Variants in ENTPD1 observed in about 807,000 individuals in gnomAD.
ENTPD1 encodes the protein ectonucleoside triphosphate diphosphohydrolase 1.
A neutral mutation model predicts 57.0 loss-of-function variants in ENTPD1; 33 were observed. The observed-to-expected ratio is 0.58, with a 90% CI of 0.44 to 0.77. ENTPD1 has a LOEUF of 0.77. Among genes scored for constraint, ENTPD1 ranks in the 30% least tolerant of loss-of-function variants. ENTPD1 has a pLI of 0.00. For missense variants in ENTPD1, 501 were observed against 603.4 expected (o/e 0.83, Z 1.78); for synonymous variants, 202 against 218.8 (o/e 0.92, Z 0.68).
chr10:95,745,501 G>C (rs745663296), intron 1 of ENTPD1, among the ~76,000 whole-genome samples: 19 of 152,136 alleles, frequency 1.2e-4, no homozygotes, highest in Non-Finnish European at 2.2e-4. Context: ...TTTTGATGAA[G>C]TGACAGTCAC....
intron 3 of ENTPD1, 69 bp downstream of exon 3, chr10:95,839,877 T>C: frequency 2.7e-6 from 4 of 1,503,926 alleles, no homozygotes; most frequent in Non-Finnish European, 3.7e-6. Context: ...GTATGACCAG[T>C]AGAACACAAG....
chr10:95,710,697 G>A (rs1013345294), upstream of ENTPD1, among the ~76,000 whole-genome samples: 2 of 152,084 alleles, frequency 1.3e-5, no homozygotes, highest in African/African-American at 2.4e-5. Context: ...CAAGGGAAGA[G>A]GGGTTTCTAC....
At chr10:95,865,470 C>A (rs1366166921) in intron 9 of ENTPD1, among the ~76,000 whole-genome samples, 1 of 152,184 alleles carries the variant, frequency 6.6e-6, no homozygotes, top group African/African-American at 2.4e-5. Context: ...ATACCCAGAG[C>A]AGTGTGTCTC....
At chr10:95,821,451 G>C (rs963905004) in intron 1 of ENTPD1, among the ~76,000 whole-genome samples, 3 of 152,106 alleles carry the variant, frequency 2.0e-5, no homozygotes, top group African/African-American at 7.2e-5. Context: ...CCCTAGACTT[G>C]CCCCAGAAGA....
chr10:95,808,438 G>C (rs1456443886), intron 1 of ENTPD1, among the ~76,000 whole-genome samples: 1 of 152,202 alleles, frequency 6.6e-6, no homozygotes, highest in South Asian at 2.1e-4. Context: ...ATGCCTCGTA[G>C]AATGAGTTAG....
At chr10:95,822,450 CCAT>C (rs1287315541) in intron 1 of ENTPD1, among the ~76,000 whole-genome samples, 1 of 152,000 alleles carries the variant, frequency 6.6e-6, no homozygotes, top group Non-Finnish European at 1.5e-5. Context: ...GTGCCCACCA[CCAT>C]GCCTGGCTAA....
rs2098091052 is a variant in ENTPD1, at chr10:95,766,964, T to C, written c.16+10709T>C. 4.0e-5 allele frequency among the ~76,000 whole-genome samples: 6 copies of C among 151,836 alleles called. No homozygotes were observed. In the South Asian group the frequency reaches 1.2e-3, roughly 32 times the overall value. ...GCATAATCATAGCTCAATGTAACCT[T>C]GAACTCCTGGGCTCAGGTGATCCTC... On this transcript the variant is annotated intron_variant, in intron 1 of 9. Transcript: ENST00000371205.
In ENTPD1 at chr10:95,866,395, G is replaced by A. The variant is rs781015829; in HGVS notation, c.*12G>A. 1 of 1,613,972 alleles carries A rather than the reference G, an allele frequency of 6.2e-7. No homozygotes were observed. Among genetic ancestry groups the A allele is most frequent in the Non-Finnish European group, 8.5e-7 (1 of 1,179,978 alleles). ...AAGATATGGTATAGCAAAAGCAGCT[G>A]AAATATGCTGGCTGGAGTGAGGAAA... On this transcript the variant is annotated 3_prime_UTR_variant, in exon 10 of 10. Transcript: ENST00000371205.
At chr10:95,778,882 G>C (rs1250029557) in intron 1 of ENTPD1, among the ~76,000 whole-genome samples, 1 of 151,894 alleles carries the variant, frequency 6.6e-6, no homozygotes, top group Non-Finnish European at 1.5e-5. Context: ...AGTTCTATCA[G>C]GTTAATATTA....
intron 1 of ENTPD1, among the ~76,000 whole-genome samples, chr10:95,747,110 T>A (rs1271046308): frequency 6.6e-6 from 1 of 152,160 alleles, no homozygotes; most frequent in East Asian, 1.9e-4. Flanking sequence ...ACATGTAACA[T>A]TTTACCCCAA....
At chr10:95,755,344 T>C (rs1348087888), upstream of ENTPD1, 1 of 209,906 alleles carries the variant, frequency 4.8e-6, no homozygotes, top group Non-Finnish European at 9.7e-6. Flanking sequence ...CAAGTCGCCT[T>C]GGGACTTGAG....
At chr10:95,731,283 G>T (rs1399566105) in intron 1 of ENTPD1, among the ~76,000 whole-genome samples, 1 of 152,096 alleles carries the variant, frequency 6.6e-6, no homozygotes, top group Non-Finnish European at 1.5e-5. Flanking sequence ...CTTCTGGTTA[G>T]GTTCAGCAGG....
At chr10:95,734,811 G>A (rs1232124209) in intron 1 of ENTPD1, among the ~76,000 whole-genome samples, 1 of 152,214 alleles carries the variant, frequency 6.6e-6, no homozygotes, top group Non-Finnish European at 1.5e-5. Context: ...TTTGGTGTCA[G>A]TGTCAAGGCA....
At chr10:95,800,541 G>T (rs751212412) in intron 1 of ENTPD1, among the ~76,000 whole-genome samples, 1 of 152,122 alleles carries the variant, frequency 6.6e-6, no homozygotes, top group Non-Finnish European at 1.5e-5. Context: ...AAGCCTGAGG[G>T]TACTGCAGGA....
upstream of ENTPD1, among the ~76,000 whole-genome samples, chr10:95,709,201 AT>A (rs1314254258): frequency 6.6e-6 from 1 of 152,192 alleles, no homozygotes; most frequent in Non-Finnish European, 1.5e-5. Context: ...GAATAATGGC[AT>A]TGATACAACC....
intron 1 of ENTPD1, among the ~76,000 whole-genome samples, chr10:95,730,488 A>G (rs756505206): frequency 6.6e-6 from 1 of 152,226 alleles, no homozygotes; most frequent in Non-Finnish European, 1.5e-5. Flanking sequence ...ATGTTAAAGC[A>G]TATAAGGACA....
intron 1 of ENTPD1, among the ~76,000 whole-genome samples, chr10:95,803,886 G>A (rs1185722871): frequency 1.3e-5 from 2 of 152,186 alleles, no homozygotes; most frequent in Non-Finnish European, 2.9e-5. Flanking sequence ...TGTATAAGGT[G>A]TAAGGAAGGG....
intron 1 of ENTPD1, among the ~76,000 whole-genome samples, chr10:95,735,954 C>G (rs1467451315): frequency 1.3e-5 from 2 of 150,916 alleles, no homozygotes; most frequent in Non-Finnish European, 2.9e-5. Context: ...AATTTGAAAA[C>G]AATAGGAGTT....
At chr10:95,776,466 C>G (rs537523541) in intron 1 of ENTPD1, among the ~76,000 whole-genome samples, 2 of 152,096 alleles carry the variant, frequency 1.3e-5, no homozygotes, top group Admixed American at 1.3e-4. Flanking sequence ...GAATATTGGC[C>G]CCCACTCTCT....
Sources: allele counts gnomAD v4.1 joint callset (sites outside exome capture counted in the v4.1 genomes callset), GRCh38; gene constraint gnomAD v4.1.1; transcripts MANE v1.5; gene names NCBI Gene and HGNC (gene_info 2026-07-23, HGNC 2026-07-21).